The following MBD1 variants were observed in gnomAD, a reference collection of about 807,000 sequenced individuals.
MBD1 encodes the protein methyl-CpG-binding domain protein 1.
Under a neutral mutation model 82.6 loss-of-function variants are expected in MBD1, and 25 were observed. The observed-to-expected ratio is 0.30, with a 90% CI of 0.22 to 0.42. The LOEUF (loss-of-function observed/expected upper bound fraction) is 0.42. MBD1 is among the 10% of genes least tolerant of loss of function. The pLI, the probability that MBD1 is intolerant of heterozygous loss-of-function variation, is 1.00. For missense variants in MBD1, 627 were observed against 819.6 expected (o/e 0.76, Z 2.87); for synonymous variants, 301 against 303.7 (o/e 0.99, Z 0.09).
At chr18:50,277,620 T>C (rs1159105709) in intron 2 of MBD1, among the ~76,000 whole-genome samples, 2 of 151,876 alleles carry the variant, frequency 1.3e-5, no homozygotes, top group Non-Finnish European at 2.9e-5. Flanking sequence ...TATAAACAAA[T>C]GCAACTACAT....
intron 11 of MBD1, 148 bp downstream of exon 11, chr18:50,274,038 G>T: frequency 1.5e-6 from 2 of 1,328,656 alleles, no homozygotes; most frequent in Non-Finnish European, 2.1e-6. Flanking sequence ...ATGCCACCTA[G>T]ACTCATTAAG....
chr18:50,277,501 T>C (rs1211899511), intron 2 of MBD1, among the ~76,000 whole-genome samples: 2 of 151,794 alleles, frequency 1.3e-5, no homozygotes, highest in African/African-American at 4.8e-5. Context: ...GGAACACAAA[T>C]ATATTATATT....
At chr18:50,278,718 G>A (rs1011499288) in intron 2 of MBD1, among the ~76,000 whole-genome samples, 3 of 152,162 alleles carry the variant, frequency 2.0e-5, no homozygotes, top group African/African-American at 4.8e-5. Context: ...TGGTAGTTAC[G>A]TTCTACAAAG....
At chr18:50,281,033 C>A in intron 1 of MBD1, 1 of 806,458 alleles carries the variant, frequency 1.2e-6, no homozygotes, top group African/African-American at 1.7e-5. Flanking sequence ...GCCTGAGGGC[C>A]CCTCATTTCT....
chr18:50,271,838 T>C (rs1466459157), intron 15 of MBD1, among the ~76,000 whole-genome samples: 1 of 152,136 alleles, frequency 6.6e-6, no homozygotes, highest in Non-Finnish European at 1.5e-5. Flanking sequence ...TGGCCAAGTA[T>C]AGATGAAAGG....
In MBD1 at chr18:50,269,042, T is replaced by G; in HGVS notation, c.*809A>C. On this transcript the variant is annotated 3_prime_UTR_variant, in exon 17 of 17. Coordinates refer to ENST00000269468, the MANE Select transcript of MBD1 (RefSeq NM_015846.4). ...AAATCCATTCACCATTTGTAATACA[T>G]ATTGATGCATTTAATAAAATTGCAT... The G allele has an allele frequency of 1.0e-6, 1 of 986,930 alleles. No homozygotes were observed. Among genetic ancestry groups the G allele is most frequent in the Non-Finnish European group, 1.2e-6 (1 of 830,762 alleles). 61.1% of individuals were successfully genotyped at this position (986,930 alleles called of 1,614,324 possible). A position where few individuals can be genotyped will look rare whatever the true frequency, so the allele number is the denominator to read the frequency against.
In MBD1 at chr18:50,277,214, G is replaced by C. The variant is rs1203437011; in HGVS notation, c.111-10C>G. On this transcript the variant is annotated splice_polypyrimidine_tract_variant and intron_variant, in intron 2 of 16. Transcript: ENST00000269468. ...CCTGTCTCCTGTGGGGCTAGGGATG[G>C]GCCATGATGGGTTAGCACCCAGGTG... 1.9e-6 allele frequency: 3 copies of C among 1,598,716 alleles called. No homozygotes were observed. The East Asian group carries it at 6.7e-5, about 36-fold the overall frequency.
intron 2 of MBD1, 119 bp downstream of exon 2, chr18:50,279,764 A>G: frequency 7.4e-7 from 1 of 1,349,182 alleles, no homozygotes; most frequent in East Asian, 2.4e-5. Flanking sequence ...AAATCCGCTA[A>G]TAAGGATTAA....
At chr18:50,277,960 A>G (rs563008726) in intron 2 of MBD1, among the ~76,000 whole-genome samples, 1 of 152,360 alleles carries the variant, frequency 6.6e-6, no homozygotes, top group African/African-American at 2.4e-5. Flanking sequence ...GCACAAAAAT[A>G]GTAATACAGT....
chr18:50,273,494 AGACTTG>A (rs1050217438), intron 12 of MBD1, 23 bp from the exon 13 acceptor site: 48 of 1,613,956 alleles, frequency 3.0e-5, no homozygotes, highest in Non-Finnish European at 4.0e-5. Flanking sequence ...GGATTGCAGC[AGACTTG>A]GTCTCAGCTC....
chr18:50,281,105 T>C, intron 1 of MBD1: 1 of 1,493,530 alleles, frequency 6.7e-7, no homozygotes, highest in Non-Finnish European at 9.0e-7. Flanking sequence ...TGTCTCCCTT[T>C]AGCGTTCTGA....
intron 15 of MBD1, 23 bp from the exon 16 acceptor site, chr18:50,271,563 G>A (rs753008294): frequency 6.9e-5 from 111 of 1,614,050 alleles, no homozygotes; most frequent in Non-Finnish European, 3.5e-5. Context: ...GAGCAGGTCT[G>A]TATGTTGAAT....
At chr18:50,281,643 C>G (rs1250182979), upstream of MBD1, 6 of 439,716 alleles carry the variant, frequency 1.4e-5, no homozygotes, top group Non-Finnish European at 2.0e-5. Context: ...GCCGGCGCTC[C>G]GCAGCGGTGC....
At chr18:50,274,885 TC>T in intron 10 of MBD1, 91 bp downstream of exon 10, 1 of 1,325,340 alleles carries the variant, frequency 7.5e-7, no homozygotes, top group Non-Finnish European at 1.1e-6. Flanking sequence ...GCCTTGCTGT[TC>T]CCCAATAGGC....
chr18:50,270,579 G>A (rs1485485357), intron 16 of MBD1: 8 of 335,492 alleles, frequency 2.4e-5, no homozygotes, highest in Non-Finnish European at 1.2e-5. Context: ...AAGAGGGGGA[G>A]TCAGGGTAAC....
chr18:50,276,954 T>C lies in MBD1; in HGVS notation c.270A>G (p.Ser90=). ...AVASKKRKKP[S]RPAKTRKRQV... ...GACGTTTCCGAGTCTTGGCTGGCCT[T>C]GAAGGCTTCTTTCGCTTCTTGCTGG... The change falls in exon 4 of 17, where the codon TCA becomes TCG. Residue 90 remains serine, a synonymous_variant. Transcript: ENST00000269468. 6.2e-7 allele frequency: 1 copy of C among 1,614,224 alleles called. No homozygotes were observed. Among genetic ancestry groups the C allele is most frequent in the Non-Finnish European group, 8.5e-7 (1 of 1,180,040 alleles).
At chr18:50,272,613 A>G in intron 15 of MBD1, 64 bp downstream of exon 15, 1 of 1,586,774 alleles carries the variant, frequency 6.3e-7, no homozygotes, top group Non-Finnish European at 8.7e-7. Flanking sequence ...TATACTTTCA[A>G]AACTCAGGGC....
chr18:50,269,490 C>G lies in MBD1; in HGVS notation c.*361G>C, dbSNP rs536278691. Reference sequence around the variant, plus strand: ...GGTGCTGGGGCACCAGGCGTTGTTGCAGTTCACACGTTGCCATGTATCTGC... The same window carrying G: ...GGTGCTGGGGCACCAGGCGTTGTTGGAGTTCACACGTTGCCATGTATCTGC... On this transcript the variant is annotated 3_prime_UTR_variant, in exon 17 of 17. Transcript: ENST00000269468. 17 of 715,694 alleles carry G rather than the reference C, an allele frequency of 2.4e-5. No individual in the cohort carries two copies. In the Middle Eastern group the frequency reaches 1.4e-3, roughly 58 times the overall value. The allele number at this position is 715,694 out of a possible 1,614,324, so 44.3% of individuals were successfully genotyped here.
chr18:50,281,408 A>G lies in MBD1; in HGVS notation c.-71T>C. On this transcript the variant is annotated 5_prime_UTR_variant, in exon 1 of 17. Coordinates refer to ENST00000269468, the MANE Select transcript of MBD1 (RefSeq NM_015846.4). The stretch of plus-strand genomic sequence containing the variant: ...ATCTTCCGCCACTCTAGGCCCGTGG[A>G]CCCATGGCGAGGGTCCCTCCTGCAC... The G allele has an allele frequency of 1.6e-6, 1 of 637,928 alleles. No homozygotes were observed. Among genetic ancestry groups the G allele is most frequent in the East Asian group, 2.7e-5 (1 of 36,550 alleles). 39.5% of individuals were successfully genotyped at this position (637,928 alleles called of 1,614,324 possible).
Sources: allele counts gnomAD v4.1 joint callset (sites outside exome capture counted in the v4.1 genomes callset), GRCh38; gene constraint gnomAD v4.1.1; transcripts MANE v1.5; gene names NCBI Gene and HGNC (gene_info 2026-07-23, HGNC 2026-07-21).